The following KCTD3 variants were observed in gnomAD, a reference collection of about 807,000 sequenced individuals.
KCTD3 encodes the protein potassium channel tetramerization domain containing 3.
A neutral mutation model predicts 85.8 loss-of-function variants in KCTD3; 41 were observed. The ratio of observed to expected loss-of-function variants is 0.48; its 90% CI spans 0.37 to 0.62. The LOEUF is 0.62. KCTD3 is among the 20% of genes least tolerant of loss of function. The pLI is 0.00. For missense variants in KCTD3, 724 were observed against 989.9 expected, an observed-to-expected ratio of 0.73 and a Z score of 3.60; for synonymous variants, 338 against 345.4, an observed-to-expected ratio of 0.98 and a Z score of 0.24.
intron 14 of KCTD3, among the ~76,000 whole-genome samples, chr1:215,610,470 G>T (rs147320470): frequency 3.3e-5 from 5 of 151,982 alleles, no homozygotes; most frequent in African/African-American, 9.6e-5. Context: ...AAGGTATGAA[G>T]AATAGGTTAT....
chr1:215,603,669 T>C (rs1654913716), intron 12 of KCTD3, among the ~76,000 whole-genome samples: 1 of 152,178 alleles, frequency 6.6e-6, no homozygotes, highest in Non-Finnish European at 1.5e-5. Flanking sequence ...ATAAGGAATA[T>C]TGCTTTTGGA....
chr1:215,601,848 A>G lies in KCTD3; in HGVS notation c.934-19A>G. On this transcript the variant is annotated intron_variant, in intron 10 of 17. Transcript: ENST00000259154. ...TTATAATTACTATCTAACATCTGAT[A>G]ATACTCTCACTACATCAGGTTCAAG... 1.5e-6 allele frequency: 2 copies of G among 1,317,650 alleles called. No individual in the cohort carries two copies. The highest frequency in any genetic ancestry group is 2.2e-6 in the Non-Finnish European group (2 of 924,832). The allele number at this position is 1,317,650 out of a possible 1,614,324, so 81.6% of individuals were successfully genotyped here. A position where few individuals can be genotyped will look rare whatever the true frequency, so the allele number is the denominator to read the frequency against.
intron 10 of KCTD3, among the ~76,000 whole-genome samples, chr1:215,599,037 G>T (rs1269137836): frequency 1.3e-5 from 2 of 152,208 alleles, no homozygotes; most frequent in Non-Finnish European, 2.9e-5. Flanking sequence ...GTGACAGTTT[G>T]CCTGTCATTA....
At chr1:215,617,993 A>G (rs1205498552) in intron 15 of KCTD3, 3 of 352,558 alleles carry the variant, frequency 8.5e-6, no homozygotes, top group Non-Finnish European at 1.2e-5. Flanking sequence ...GTATAAAAGC[A>G]TCTTGCTGTG....
intron 9 of KCTD3, among the ~76,000 whole-genome samples, chr1:215,591,655 G>A (rs887351016): frequency 6.6e-6 from 1 of 152,180 alleles, no homozygotes; most frequent in Non-Finnish European, 1.5e-5. Flanking sequence ...CGCCCGGCCA[G>A]CAGCCTTTCT....
At chr1:215,594,047 A>G (rs931184669) in intron 9 of KCTD3, among the ~76,000 whole-genome samples, 1 of 151,882 alleles carries the variant, frequency 6.6e-6, no homozygotes, top group African/African-American at 2.4e-5. Context: ...TTTAGTAGAG[A>G]TGGGGTTTCA....
In KCTD3 at chr1:215,621,740, C is replaced by T. The variant is rs1053491955; in HGVS notation, c.*1122C>T. 2 of 152,168 alleles carry T rather than the reference C, an allele frequency of 1.3e-5. No individual in the cohort carries two copies. The highest frequency in any genetic ancestry group is 4.8e-5 in the African/African-American group (2 of 41,304). The allele number at this position is 152,168 out of a possible 1,614,324, so 9.4% of individuals were successfully genotyped here. A position where few individuals can be genotyped will look rare whatever the true frequency, so the allele number is the denominator to read the frequency against. On this transcript the variant is annotated 3_prime_UTR_variant, in exon 18 of 18. Transcript: ENST00000259154. The stretch of plus-strand genomic sequence containing the variant: ...AAAATCTTTAAAATTTACTATATTG[C>T]CAGTGGTTTCACAACAGTTCTCTTG...
At chr1:215,597,986 A>C (rs541624935) in intron 10 of KCTD3, among the ~76,000 whole-genome samples, 1 of 152,184 alleles carries the variant, frequency 6.6e-6, no homozygotes, top group East Asian at 1.9e-4. Context: ...ATACTTACTT[A>C]GATTTAGACT....
intron 10 of KCTD3, among the ~76,000 whole-genome samples, chr1:215,600,336 T>A (rs185857808): frequency 1.3e-5 from 2 of 152,326 alleles, no homozygotes; most frequent in Admixed American, 1.3e-4. Context: ...AGAATGAACC[T>A]AGATTCTGTG....
chr1:215,612,346 AATG>A (rs1389448219), intron 15 of KCTD3, among the ~76,000 whole-genome samples: 1 of 152,210 alleles, frequency 6.6e-6, no homozygotes, highest in African/African-American at 2.4e-5. Context: ...TTAAAATAAA[AATG>A]ATATTAATAA....
At chr1:215,588,141 G>A (rs922334133) in intron 9 of KCTD3, among the ~76,000 whole-genome samples, 2 of 152,056 alleles carry the variant, frequency 1.3e-5, no homozygotes, top group Admixed American at 6.5e-5. Flanking sequence ...TTTGAGGATA[G>A]TTCTGCCAAA....
rs1253042426 is a variant in KCTD3 at position 215,579,976 on chromosome 1, T to C, written c.603T>C (p.Tyr201=). ...AGHHNWIVAA[Y]AHFAVCYRIK... Reference sequence around the variant, plus strand: ...ATCACAACTGGATTGTAGCTGCATATGCCCATTTTGCTGTGTGTTACAGGT... The same window carrying C: ...ATCACAACTGGATTGTAGCTGCATACGCCCATTTTGCTGTGTGTTACAGGT... Residue 201 remains tyrosine, a synonymous_variant, in exon 8 of 18, where the codon TAT becomes TAC. Coordinates refer to ENST00000259154, the MANE Select transcript of KCTD3 (RefSeq NM_016121.5). 6.2e-7 allele frequency: 1 copy of C among 1,610,684 alleles called. No individual in the cohort carries two copies.
chr1:215,580,156 G>A (rs1218299385), intron 8 of KCTD3, among the ~76,000 whole-genome samples, 157 bp downstream of exon 8: 1 of 152,046 alleles, frequency 6.6e-6, no homozygotes, highest in East Asian at 1.9e-4. Context: ...AAGATTTAGT[G>A]TACTTTTATT....
At chr1:215,586,473 T>C (rs765551961) in intron 8 of KCTD3, 22 bp from the exon 9 acceptor site, 7 of 1,594,610 alleles carry the variant, frequency 4.4e-6, no homozygotes, top group Admixed American at 1.7e-5. Flanking sequence ...GTCTACCTTA[T>C]GTGCCTGTTC....
chr1:215,571,225 A>T (rs1055960485), intron 1 of KCTD3, among the ~76,000 whole-genome samples: 2 of 152,224 alleles, frequency 1.3e-5, no homozygotes, highest in Non-Finnish European at 2.9e-5. Context: ...GTGAATCTGC[A>T]ATGTATGAAT....
rs1402804404 is a variant in KCTD3 at position 215,580,006 on chromosome 1, T to C, written c.626+7T>C. On this transcript the variant is annotated splice_region_variant and intron_variant, in intron 8 of 17. Transcript: ENST00000259154. The stretch of plus-strand genomic sequence containing the variant: ...ATTTTGCTGTGTGTTACAGGTAGTG[T>C]ATAATTAATAATGCTTTGCTTTTAC... 6.5e-7 allele frequency: 1 copy of C among 1,544,308 alleles called. No individual in the cohort carries two copies. The highest frequency in any genetic ancestry group is 8.9e-7 in the Non-Finnish European group (1 of 1,117,582).
chr1:215,598,831 G>C (rs1314411085), intron 10 of KCTD3, among the ~76,000 whole-genome samples: 1 of 151,924 alleles, frequency 6.6e-6, no homozygotes, highest in Admixed American at 6.6e-5. Flanking sequence ...GAAAAAGAAG[G>C]AAAAAGTGAG....
In KCTD3 at chr1:215,612,162, A is replaced by G. The variant is rs146073815; in HGVS notation, c.1562+241A>G. Among the ~76,000 whole-genome samples the G allele has an allele frequency of 2.7e-4, 41 of 152,326 alleles. No homozygotes were observed. In the East Asian group the frequency reaches 7.3e-3, roughly 27 times the overall value. ...GAGGGACTAGTGATAGAATAAGAAC[A>G]CAGTGAACTTTTTTTCATGGCCAAA... On this transcript the variant is annotated intron_variant, in intron 15 of 17. Transcript: ENST00000259154.
intron 15 of KCTD3, 103 bp from the exon 16 acceptor site, chr1:215,618,783 G>C: frequency 4.7e-6 from 4 of 849,586 alleles, no homozygotes; most frequent in Non-Finnish European, 7.4e-6. Flanking sequence ...GTCTTTTCTA[G>C]TATAACATGT....
Sources: allele counts gnomAD v4.1 joint callset (sites outside exome capture counted in the v4.1 genomes callset), GRCh38; gene constraint gnomAD v4.1.1; transcripts MANE v1.5; gene names NCBI Gene and HGNC (gene_info 2026-07-23, HGNC 2026-07-21).